MYH15: variants seen among roughly 807,000 people sequenced by gnomAD.
MYH15 encodes myosin heavy chain 15.
A neutral mutation model predicts 240.5 loss-of-function variants in MYH15; 227 were observed. That is an observed-to-expected ratio of 0.94 (90% CI 0.85 to 1.05). The LOEUF (loss-of-function observed/expected upper bound fraction) is 1.05, where lower values mean the gene tolerates loss of function less well. Ranked by LOEUF, MYH15 falls within the 50% of genes least tolerant of loss-of-function variation. MYH15 has a pLI of 0.00. For synonymous variants in MYH15, 785 were observed against 796.7 expected, an observed-to-expected ratio of 0.99 and a Z score of 0.25; for missense variants, 2,217 against 2,247.5, an observed-to-expected ratio of 0.99 and a Z score of 0.27.
intron 35 of MYH15, among the ~76,000 whole-genome samples, chr3:108,396,572 G>A (rs1021984799): frequency 6.6e-5 from 10 of 152,142 alleles, no homozygotes; most frequent in Non-Finnish European, 8.8e-5. Context: ...GACCTGTACT[G>A]GTCTGTGGCC....
At chr3:108,542,676 G>A in the MYH15 span, among the ~76,000 whole-genome samples, 1 of 152,070 alleles carries the variant, frequency 6.6e-6, no homozygotes, top group South Asian at 2.1e-4. Flanking sequence ...GCACCTATTA[G>A]CTATTCTTCC....
upstream of MYH15, among the ~76,000 whole-genome samples, chr3:108,533,270 G>A (rs2083724339): frequency 6.6e-6 from 1 of 151,960 alleles, no homozygotes; most frequent in Non-Finnish European, 1.5e-5. Context: ...CAGAATTTCA[G>A]GGAGGTCTGG....
intron 19 of MYH15, among the ~76,000 whole-genome samples, chr3:108,456,091 T>C (rs1240672830): frequency 2.0e-5 from 3 of 152,152 alleles, no homozygotes; most frequent in African/African-American, 7.2e-5. Flanking sequence ...ATTTGATTGA[T>C]TGCTCAATTA....
At chr3:108,511,004 AAGT>A (rs2083518865), upstream of MYH15, among the ~76,000 whole-genome samples, 2 of 152,154 alleles carry the variant, frequency 1.3e-5, no homozygotes, top group Non-Finnish European at 2.9e-5. Flanking sequence ...TAAAAGACAG[AAGT>A]GCCTGTAGTC....
chr3:108,410,369 C>G (rs1346863679), intron 31 of MYH15, among the ~76,000 whole-genome samples: 2 of 151,838 alleles, frequency 1.3e-5, no homozygotes, highest in Non-Finnish European at 2.9e-5. Context: ...CAGAGGGGAA[C>G]TGAAGTTAAA....
At position 108,389,009 on chromosome 3, in the gene MYH15, G is replaced by A. The variant is rs1489787550; in HGVS notation, c.5496C>T (p.Ala1832=). The change falls in exon 38 of 41, where the codon GCC becomes GCT. Residue 1832 remains alanine, a synonymous_variant. Coordinates refer to ENST00000693548, the MANE Select transcript of MYH15 (RefSeq NM_014981.3). The stretch of plus-strand genomic sequence containing the variant: ...CTTTGATGCATCGCTCAAGTCTGCG[G>A]GCTCCCCTCTGGGCCTCTGCACTGC... The part of the protein sequence containing the change: ...IRRSAEAQRG[A]RRLERCIKEL... 7 of 1,613,748 alleles carry A rather than the reference G, an allele frequency of 4.3e-6. No homozygotes were observed. Among genetic ancestry groups the A allele is most frequent in the Non-Finnish European group, 5.1e-6 (6 of 1,179,814 alleles).
At chr3:108,487,785 C>T (rs943932650) in intron 9 of MYH15, among the ~76,000 whole-genome samples, 5 of 152,120 alleles carry the variant, frequency 3.3e-5, no homozygotes, top group Non-Finnish European at 7.4e-5. Flanking sequence ...ACTTAAAACA[C>T]GTGCAGTGTA....
chr3:108,476,448 AG>A lies in MYH15; in HGVS notation c.1181del (p.Pro394LeufsTer16), dbSNP rs2083221393. 3 of 1,613,416 alleles carry A rather than the reference AG, an allele frequency of 1.9e-6. No homozygotes were observed. Among genetic ancestry groups the A allele is most frequent in the Non-Finnish European group, 2.5e-6 (3 of 1,179,516 alleles). ...CATATTCGTTACCAACTTTGATTCT[AG>A]GATGGATCAAGCACTTTACCAACTC... ...SSELVKCLIH[P>X]RIKVGNEYVT... On this transcript the variant is annotated frameshift_variant, in exon 12 of 41. Coordinates refer to ENST00000693548, the MANE Select transcript of MYH15 (RefSeq NM_014981.3). LOFTEE classifies it high-confidence loss of function.
chr3:108,445,901 C>T (rs775508421), intron 21 of MYH15, among the ~76,000 whole-genome samples: 2 of 152,014 alleles, frequency 1.3e-5, no homozygotes, highest in East Asian at 1.9e-4. Flanking sequence ...GAATCAAATA[C>T]TCAGTGGAAA....
chr3:108,455,637 C>T (rs1203801840), intron 20 of MYH15, 99 bp downstream of exon 20: 2 of 1,353,682 alleles, frequency 1.5e-6, no homozygotes, highest in Admixed American at 3.6e-5. Context: ...GTCATGAGAG[C>T]TGAAGAATGC....
At chr3:108,471,369 A>G (rs991495223) in intron 12 of MYH15, among the ~76,000 whole-genome samples, 3 of 152,156 alleles carry the variant, frequency 2.0e-5, no homozygotes, top group Admixed American at 6.5e-5. Context: ...TCCCAGACCT[A>G]CTGAATCAGA....
At chr3:108,539,062 T>A in the MYH15 span, among the ~76,000 whole-genome samples, 1 of 152,184 alleles carries the variant, frequency 6.6e-6, no homozygotes, top group Non-Finnish European at 1.5e-5. Context: ...AGTTACTTTT[T>A]ATTAGGCCCC....
intron 30 of MYH15, among the ~76,000 whole-genome samples, chr3:108,412,814 G>A (rs2082604543): frequency 6.6e-6 from 1 of 152,068 alleles, no homozygotes; most frequent in South Asian, 2.1e-4. Flanking sequence ...AATCAAAGCA[G>A]GCAAATCTTT....
chr3:108,464,993 G>A (rs1018141669), intron 14 of MYH15, among the ~76,000 whole-genome samples, 179 bp from the exon 15 acceptor site: 3 of 152,116 alleles, frequency 2.0e-5, no homozygotes, highest in African/African-American at 7.2e-5. Context: ...ACTTAATAAC[G>A]ATACCAATAG....
Position 108,383,654 on chromosome 3 carries a change from C to G in MYH15, c.5707G>C (p.Glu1903Gln), listed in dbSNP as rs756722476. ...HELNEVKERA[E>Q]VAESQVNKLK... is the part of the protein sequence containing the mutation. ...TTATTGACTTGAGATTCTGCCACCTCTGCCCTTTCCTTCACTTCATTCAAC... is the reference window on the plus strand; with the variant it reads ...TTATTGACTTGAGATTCTGCCACCTGTGCCCTTTCCTTCACTTCATTCAAC... Residue 1903 changes from glutamate to glutamine, a missense_variant, in exon 40 of 41, where the codon GAG becomes CAG. Glu to Gln is a conservative substitution (Grantham distance 29, BLOSUM62 2). Coordinates refer to ENST00000693548, the MANE Select transcript of MYH15 (RefSeq NM_014981.3). 51 of 1,612,708 alleles carry G rather than the reference C, an allele frequency of 3.2e-5. No homozygotes were observed. The highest frequency in any genetic ancestry group is 4.2e-5 in the Non-Finnish European group (49 of 1,179,572).
intron 40 of MYH15, among the ~76,000 whole-genome samples, chr3:108,382,174 T>C (rs765551809): frequency 1.2e-4 from 18 of 152,178 alleles, no homozygotes; most frequent in Admixed American, 2.0e-4. Context: ...ATGGGGTTGC[T>C]GGTGGGCTCT....
chr3:108,520,583 T>C (rs113545505), intron 1 of MYH15, among the ~76,000 whole-genome samples: 10 of 152,162 alleles, frequency 6.6e-5, no homozygotes, highest in Admixed American at 3.9e-4. Context: ...GGGTATGAGA[T>C]GTCAGAAAAC....
At chr3:108,537,969 C>T in the MYH15 span, among the ~76,000 whole-genome samples, 2 of 152,174 alleles carry the variant, frequency 1.3e-5, no homozygotes, top group Non-Finnish European at 2.9e-5. Flanking sequence ...TCCCTTTCCC[C>T]TTGGCAAACA....
At position 108,454,064 on chromosome 3, in the gene MYH15, G is replaced by A; in HGVS notation, c.2341C>T (p.Gln781Ter). Residue 781 changes from glutamine (Q) to a stop codon, truncating the protein, a stop_gained, in exon 21 of 41, where the codon CAA (glutamine) becomes TAA (stop). Coordinates refer to ENST00000693548, the MANE Select transcript of MYH15 (RefSeq NM_014981.3). LOFTEE classifies it high-confidence loss of function. ...ERLSKVFTLFQARAQGKLMRI... is the reference protein window; with the variant it reads ...ERLSKVFTLF The stretch of plus-strand genomic sequence containing the variant: ...ATCAGTTTGCCCTGTGCTCTGGCTT[G>A]GAACAATGTGAAGACTTTAGATAGT... 6.2e-7 allele frequency: 1 copy of A among 1,612,866 alleles called. No individual in the cohort carries two copies. The highest frequency in any genetic ancestry group is 2.2e-5 in the East Asian group (1 of 44,840).
Sources: gnomAD v4.1 joint callset for allele counts (sites outside exome capture counted in the v4.1 genomes callset) on GRCh38, gnomAD v4.1.1 for gene constraint, MANE v1.5 for transcripts, NCBI Gene and HGNC (gene_info 2026-07-23, HGNC 2026-07-21) for gene names.